Variants in ACSM3 observed in about 807,000 individuals in gnomAD.
ACSM3 encodes acyl-CoA synthetase medium chain family member 3.
In ACSM3, 61 loss-of-function variants were observed where a neutral mutation model predicts 74.1. The observed-to-expected ratio is 0.82, with a 90% confidence interval of 0.67 to 1.02. The LOEUF is 1.02. Among genes scored for constraint, ACSM3 ranks in the 50% least tolerant of loss-of-function variants. The probability of loss-of-function intolerance (pLI) is 0.00; values close to 1 mark genes in which losing one functional copy is unlikely to be tolerated. For missense variants in ACSM3, 660 were observed against 697.0 expected, an observed-to-expected ratio of 0.95 and a Z score of 0.60; for synonymous variants, 213 against 241.5, an observed-to-expected ratio of 0.88 and a Z score of 1.09.
intron 1 of ACSM3, chr16:20,727,302 G>C (rs1014176254): frequency 1.6e-5 from 9 of 558,268 alleles, no homozygotes; most frequent in Non-Finnish European, 2.8e-5. Context: ...AAAGCACTCA[G>C]GTTCCTCTCA....
chr16:20,722,989 C>T (rs2079791148), intron 1 of ACSM3, among the ~76,000 whole-genome samples: 1 of 152,122 alleles, frequency 6.6e-6, no homozygotes, highest in African/African-American at 2.4e-5. Flanking sequence ...GTGCTGCACC[C>T]ATTAACTCGT....
chr16:20,797,209 T>C lies in ACSM3; in HGVS notation c.*237T>C, dbSNP rs1452746143. On this transcript the variant is annotated 3_prime_UTR_variant, in exon 14 of 14. Transcript: ENST00000289416. ...CTTAATATAAAAATAATACCATCAA[T>C]TGCTGATTAATTTTTAAATGTATAG... is the stretch of plus-strand genomic sequence containing the variant. 15 of 1,222,688 alleles carry C rather than the reference T, an allele frequency of 1.2e-5. No individual in the cohort carries two copies. The highest frequency in any genetic ancestry group is 1.6e-5 in the African/African-American group (1 of 62,724). The allele number at this position is 1,222,688 out of a possible 1,614,324, so 75.7% of individuals were successfully genotyped here.
chr16:20,739,207 G>A (rs1369408636), intron 1 of ACSM3: 14 of 877,612 alleles, frequency 1.6e-5, no homozygotes, highest in East Asian at 2.7e-5. Context: ...ATGGAGTCTC[G>A]CTTTGCCTCC....
At chr16:20,750,844 GTTTT>G (rs59655300) in intron 2 of ACSM3, among the ~76,000 whole-genome samples, 17 of 115,378 alleles carry the variant, frequency 1.5e-4, no homozygotes, top group East Asian at 2.4e-4. Flanking sequence ...TTGGAGTCAG[GTTTT>G]TTTTTTTTTT....
At chr16:20,691,353 T>G in intron 1 of ACSM3, 1 of 554,042 alleles carries the variant, frequency 1.8e-6, no homozygotes, top group Non-Finnish European at 3.1e-6. Flanking sequence ...TCACCAGAAT[T>G]TGGAAGGCAC....
At chr16:20,769,909 C>A in intron 1 of ACSM3, 75 bp from the exon 2 acceptor site, 3 of 831,056 alleles carry the variant, frequency 3.6e-6, no homozygotes, top group South Asian at 1.7e-5. Flanking sequence ...ATACTAATAA[C>A]AAAACTTAGC....
In ACSM3 at chr16:20,691,708, AT is replaced by A. The variant is rs1426740072; in HGVS notation, c.-190+16887del. On this transcript the variant is annotated intron_variant, in intron 1 of 3. Coordinates refer to the ACSM3 transcript ENST00000561584. ...GTCCAGGGTTGAGCAGTCATTTCTC[AT>A]GACTTTGTAACCTAAGCTGGGCCAA... Among the ~76,000 whole-genome samples, 5 of 149,180 alleles carry A rather than the reference AT, an allele frequency of 3.4e-5. No homozygotes were observed. The East Asian group carries it at 8.2e-4, about 24-fold the overall frequency.
intron 1 of ACSM3, chr16:20,737,192 C>T (rs2079877772): frequency 1.2e-6 from 2 of 1,614,100 alleles, no homozygotes; most frequent in South Asian, 2.2e-5. Context: ...TCACAACACT[C>T]AGGCAACAGA....
chr16:20,745,289 G>A (rs2079953075), intron 1 of ACSM3, among the ~76,000 whole-genome samples: 1 of 152,166 alleles, frequency 6.6e-6, no homozygotes, highest in Non-Finnish European at 1.5e-5. Flanking sequence ...ACCTCTCTTA[G>A]AAGGGACCAC....
rs1033509057 is a variant in ACSM3 at position 20,786,068 on chromosome 16, T to G, written c.1144-10T>G. ...GTAATGTTATCTTACTTTTTCTTCT[T>G]CTTAACTAGGTGCTAATCTGTGGAA... On this transcript the variant is annotated splice_polypyrimidine_tract_variant and intron_variant, in intron 8 of 13. Coordinates refer to ENST00000289416, the MANE Select transcript of ACSM3 (RefSeq NM_005622.4). 1 of 1,522,802 alleles carries G rather than the reference T, an allele frequency of 6.6e-7. No individual in the cohort carries two copies. The highest frequency in any genetic ancestry group is 8.9e-7 in the Non-Finnish European group (1 of 1,125,008). The allele number at this position is 1,522,802 out of a possible 1,614,324, so 94.3% of individuals were successfully genotyped here.
At chr16:20,735,999 G>A (rs1050335753) in intron 1 of ACSM3, 2 of 152,096 alleles carry the variant, frequency 1.3e-5, no homozygotes, top group Non-Finnish European at 2.9e-5. Context: ...GGTGATTTCT[G>A]AACAAAAGCC....
chr16:20,717,422 G>A (rs1322322294), intron 1 of ACSM3, among the ~76,000 whole-genome samples: 2 of 152,180 alleles, frequency 1.3e-5, no homozygotes, highest in Non-Finnish European at 2.9e-5. Context: ...ATCAGTGAAA[G>A]GAAGAAGAAG....
chr16:20,690,379 A>G (rs529868993), intron 1 of ACSM3, among the ~76,000 whole-genome samples: 9 of 152,318 alleles, frequency 5.9e-5, no homozygotes, highest in Admixed American at 1.3e-4. Flanking sequence ...AGACAAACCA[A>G]GCACTTGGGG....
chr16:20,700,868 A>G (rs1233061507), intron 1 of ACSM3, among the ~76,000 whole-genome samples: 3 of 152,160 alleles, frequency 2.0e-5, no homozygotes, highest in Non-Finnish European at 4.4e-5. Flanking sequence ...TGTGGAGAAG[A>G]TATTTTAAGG....
At chr16:20,763,584 A>T (rs968243286), upstream of ACSM3, 3 of 152,276 alleles carry the variant, frequency 2.0e-5, no homozygotes, top group African/African-American at 7.2e-5. Flanking sequence ...AGAAGCACTG[A>T]AAGATTTGAG....
At chr16:20,778,709 AG>A (rs1485944766) in intron 4 of ACSM3, among the ~76,000 whole-genome samples, 3 of 152,024 alleles carry the variant, frequency 2.0e-5, no homozygotes, top group Non-Finnish European at 4.4e-5. Flanking sequence ...TCAGGTTTTG[AG>A]GGCAACCGTA....
intron 1 of ACSM3, chr16:20,736,999 C>G: frequency 6.2e-7 from 1 of 1,614,130 alleles, no homozygotes; most frequent in Non-Finnish European, 8.5e-7. Flanking sequence ...TGCCCCAGCT[C>G]CTCAGTATTC....
chr16:20,685,391 C>G, intron 1 of ACSM3: 1 of 1,614,204 alleles, frequency 6.2e-7, no homozygotes. Flanking sequence ...GGATTTGGAC[C>G]TCTCTTGCCC....
At chr16:20,754,456 G>T (rs1360322971) in intron 2 of ACSM3, among the ~76,000 whole-genome samples, 3 of 152,312 alleles carry the variant, frequency 2.0e-5, no homozygotes, top group East Asian at 1.9e-4. Context: ...GTCACAGGCA[G>T]CCAACTGGGC....
Sources: allele counts gnomAD v4.1 joint callset (sites outside exome capture counted in the v4.1 genomes callset), GRCh38; gene constraint gnomAD v4.1.1; transcripts MANE v1.5; gene names NCBI Gene and HGNC (gene_info 2026-07-23, HGNC 2026-07-21).